The following WDPCP variants were observed in gnomAD, a reference collection of about 807,000 sequenced individuals.
WDPCP encodes WD repeat containing planar cell polarity effector.
In WDPCP, 71 loss-of-function variants were observed where a neutral mutation model predicts 93.1. The observed-to-expected ratio is 0.76, with a 90% CI of 0.63 to 0.93. WDPCP has a LOEUF of 0.93. WDPCP is among the 40% of genes least tolerant of loss of function. The pLI is 0.00. For synonymous variants in WDPCP, 315 were observed against 315.0 expected, an observed-to-expected ratio of 1.00 and a Z score of 0.00; for missense variants, 844 against 887.4, an observed-to-expected ratio of 0.95 and a Z score of 0.62.
At chr2:63,560,263 C>CA (rs915907325) in intron 1 of WDPCP, among the ~76,000 whole-genome samples, 2 of 151,170 alleles carry the variant, frequency 1.3e-5, no homozygotes, top group African/African-American at 4.9e-5. Flanking sequence ...CATATGGAAC[C>CA]AAAAAAAAGT....
intron 10 of WDPCP, among the ~76,000 whole-genome samples, chr2:63,397,128 A>G (rs1693797171): frequency 1.3e-5 from 2 of 152,138 alleles, no homozygotes; most frequent in African/African-American, 4.8e-5. Flanking sequence ...CCTCTGCTTG[A>G]TCATGGTAAA....
intron 2 of WDPCP, among the ~76,000 whole-genome samples, chr2:63,718,405 C>T (rs1333035946): frequency 1.3e-5 from 2 of 152,156 alleles, no homozygotes; most frequent in East Asian, 1.9e-4. Flanking sequence ...TTCTCCACAT[C>T]CTTGCCAACA....
chr2:63,706,609 T>TC (rs1558889610), intron 2 of WDPCP, among the ~76,000 whole-genome samples: 3 of 132,448 alleles, frequency 2.3e-5, no homozygotes, highest in Non-Finnish European at 4.9e-5. Flanking sequence ...TCTTTTTTTT[T>TC]TTTTTTTTTT....
intron 10 of WDPCP, among the ~76,000 whole-genome samples, chr2:63,384,568 G>C (rs972271828): frequency 1.3e-5 from 2 of 151,888 alleles, no homozygotes; most frequent in African/African-American, 4.8e-5. Context: ...GTCTTCACTG[G>C]TGAATTCTCT....
intron 2 of WDPCP, among the ~76,000 whole-genome samples, chr2:63,685,469 C>A (rs1305285437): frequency 1.6e-5 from 2 of 123,542 alleles, no homozygotes; most frequent in African/African-American, 7.6e-5. Context: ...AAAAGAGTCT[C>A]CCAGCGAAGA....
chr2:63,608,263 A>C (rs989866090), intron 3 of WDPCP, among the ~76,000 whole-genome samples: 4 of 152,152 alleles, frequency 2.6e-5, no homozygotes, highest in African/African-American at 9.7e-5. Context: ...ATATTTCAAA[A>C]CCACTAAATA....
At chr2:63,702,088 C>T (rs1669061816) in intron 2 of WDPCP, among the ~76,000 whole-genome samples, 1 of 152,140 alleles carries the variant, frequency 6.6e-6, no homozygotes, top group Admixed American at 6.5e-5. Context: ...TGCAATGGCA[C>T]GATCTCTGCT....
At chr2:63,324,136 A>T (rs1008786464) in intron 12 of WDPCP, among the ~76,000 whole-genome samples, 1 of 152,180 alleles carries the variant, frequency 6.6e-6, no homozygotes, top group Non-Finnish European at 1.5e-5. Context: ...GGAAGTATAA[A>T]TTACAATACT....
chr2:63,339,094 C>G (rs1688657801), intron 12 of WDPCP, among the ~76,000 whole-genome samples: 1 of 152,056 alleles, frequency 6.6e-6, no homozygotes, highest in African/African-American at 2.4e-5. Context: ...ACTTTCACTT[C>G]TTTGGTTATA....
chr2:63,121,805 T>C lies in WDPCP; in HGVS notation c.*201A>G. ...AATAAGTAGGTTGAAGACTTTTACTTACGATCACTTTGCTGTTATGCTGCA... is the reference window on the plus strand; with the variant it reads ...AATAAGTAGGTTGAAGACTTTTACTCACGATCACTTTGCTGTTATGCTGCA... On this transcript the variant is annotated 3_prime_UTR_variant, in exon 18 of 18. Transcript: ENST00000272321. 1 of 1,313,176 alleles carries C rather than the reference T, an allele frequency of 7.6e-7. No individual in the cohort carries two copies. 81.3% of individuals were successfully genotyped at this position (1,313,176 alleles called of 1,614,324 possible). A position where few individuals can be genotyped will look rare whatever the true frequency, so the allele number is the denominator to read the frequency against.
intron 14 of WDPCP, among the ~76,000 whole-genome samples, chr2:63,191,607 A>G (rs1348642985): frequency 6.6e-6 from 1 of 152,134 alleles, no homozygotes; most frequent in African/African-American, 2.4e-5. Context: ...TTAGTGGGGC[A>G]GGCACACTCC....
intron 9 of WDPCP, among the ~76,000 whole-genome samples, chr2:63,412,764 C>T (rs758287805): frequency 8.3e-5 from 12 of 144,646 alleles, no homozygotes; most frequent in Non-Finnish European, 1.5e-4. Flanking sequence ...AGAACTCAAC[C>T]CCTTTTATAA....
chr2:63,285,994 T>TTCTCTCTC (rs59879682), intron 13 of WDPCP, among the ~76,000 whole-genome samples: 1 of 148,336 alleles, frequency 6.7e-6, no homozygotes, highest in African/African-American at 2.5e-5. Flanking sequence ...TGAAACAAGT[T>TTCTCTCTC]TCTCTCTCTC....
In WDPCP at chr2:63,714,205, G is replaced by A. The variant is rs142524424; in HGVS notation, n.309-63367C>T. Among the ~76,000 whole-genome samples, 24 of 151,736 alleles carry A rather than the reference G, an allele frequency of 1.6e-4. No individual in the cohort carries two copies. In the East Asian group the frequency reaches 3.5e-3, roughly 22 times the overall value. ...CGAGTAGCTGGGATTATAGGTACCC[G>A]CCACCATGCCCAGCTAGTTTTTAAA... On this transcript the variant is annotated intron_variant and non_coding_transcript_variant, in intron 2 of 4. Transcript: ENST00000467687.
At chr2:63,639,548 T>A (rs926502286) in intron 3 of WDPCP, among the ~76,000 whole-genome samples, 1 of 152,230 alleles carries the variant, frequency 6.6e-6, no homozygotes, top group Non-Finnish European at 1.5e-5. Context: ...CCCATTCTTA[T>A]GTTAACTAAC....
chr2:63,471,101 A>G (rs1289575928), intron 6 of WDPCP, among the ~76,000 whole-genome samples: 1 of 151,940 alleles, frequency 6.6e-6, no homozygotes, highest in Non-Finnish European at 1.5e-5. Context: ...TCTCTTACAT[A>G]TTTTCCTTAT....
At chr2:63,351,549 T>A (rs1466036161) in intron 12 of WDPCP, among the ~76,000 whole-genome samples, 4 of 152,166 alleles carry the variant, frequency 2.6e-5, no homozygotes, top group African/African-American at 9.7e-5. Context: ...TTCCTGTTAA[T>A]TCACTTAGGA....
At chr2:63,429,973 T>TTA (rs956489336) in intron 9 of WDPCP, among the ~76,000 whole-genome samples, 2 of 114,378 alleles carry the variant, frequency 1.7e-5, no homozygotes, top group Non-Finnish European at 1.8e-5. Flanking sequence ...AAAGAAAATG[T>TTA]TATACACACA....
At chr2:63,570,619 G>A (rs763181359) in intron 1 of WDPCP, among the ~76,000 whole-genome samples, 23 of 152,192 alleles carry the variant, frequency 1.5e-4, no homozygotes, top group Non-Finnish European at 1.6e-4. Flanking sequence ...CATGTTTACA[G>A]GGGAGAAATT....
Sources: allele counts gnomAD v4.1 joint callset (sites outside exome capture counted in the v4.1 genomes callset), GRCh38; gene constraint gnomAD v4.1.1; transcripts MANE v1.5; gene names NCBI Gene and HGNC (gene_info 2026-07-23, HGNC 2026-07-21).